The following TENM3 variants were observed in gnomAD, a reference collection of about 807,000 sequenced individuals.
The protein encoded by TENM3 is teneurin-3.
Under a neutral mutation model 255.1 loss-of-function variants are expected in TENM3, and 63 were observed. The ratio of observed to expected loss-of-function variants is 0.25; its 90% CI spans 0.20 to 0.30. TENM3 has a LOEUF of 0.30. TENM3 is among the 10% of genes least tolerant of loss of function. TENM3 has a pLI of 1.00. For synonymous variants in TENM3, 1,306 were observed against 1,322.3 expected, an observed-to-expected ratio of 0.99 and a Z score of 0.27; for missense variants, 2,929 against 3,461.1, an observed-to-expected ratio of 0.85 and a Z score of 3.86.
chr4:182,127,555 T>C, the TENM3 span, among the ~76,000 whole-genome samples: 1 of 152,214 alleles, frequency 6.6e-6, no homozygotes, highest in Non-Finnish European at 1.5e-5. Context: ...ACTGTTCTCA[T>C]GATGCATTAT....
chr4:181,903,129 C>T, the TENM3 span, among the ~76,000 whole-genome samples: 4 of 152,044 alleles, frequency 2.6e-5, no homozygotes, highest in Non-Finnish European at 5.9e-5. Flanking sequence ...GGATGCCCCA[C>T]CTAGTACGAG....
intron 3 of TENM3, among the ~76,000 whole-genome samples, chr4:182,368,314 G>T (rs1209554719): frequency 1.3e-5 from 2 of 152,150 alleles, no homozygotes; most frequent in African/African-American, 4.8e-5. Flanking sequence ...CCACCTTTGA[G>T]TCTCAATCCT....
chr4:182,659,896 A>G (rs1279762956), intron 6 of TENM3, among the ~76,000 whole-genome samples: 1 of 152,172 alleles, frequency 6.6e-6, no homozygotes, highest in Non-Finnish European at 1.5e-5. Flanking sequence ...AGAGACAAGG[A>G]GTGTAGAGTT....
At chr4:182,631,079 T>C (rs1400555598) in intron 5 of TENM3, among the ~76,000 whole-genome samples, 3 of 152,178 alleles carry the variant, frequency 2.0e-5, no homozygotes, top group African/African-American at 7.2e-5. Context: ...CCTTTTTTTT[T>C]CATATTGCCT....
chr4:182,219,092 G>A (rs1234733158), intron 1 of TENM3, among the ~76,000 whole-genome samples: 1 of 152,080 alleles, frequency 6.6e-6, no homozygotes, highest in East Asian at 1.9e-4. Flanking sequence ...CGTGGTGGCG[G>A]GCACCTGTAG....
At chr4:182,167,555 A>G (rs1271718423) in intron 1 of TENM3, among the ~76,000 whole-genome samples, 1 of 152,150 alleles carries the variant, frequency 6.6e-6, no homozygotes, top group East Asian at 1.9e-4. Flanking sequence ...CCTGAGTCTT[A>G]AAAAAATTAA....
At chr4:181,495,916 A>AG in the TENM3 span, among the ~76,000 whole-genome samples, 4 of 151,174 alleles carry the variant, frequency 2.6e-5, no homozygotes, top group East Asian at 5.8e-4. Flanking sequence ...AAAAAAAAAA[A>AG]AAAAAAGAAA....
chr4:181,558,662 C>T, the TENM3 span, among the ~76,000 whole-genome samples: 2 of 152,150 alleles, frequency 1.3e-5, no homozygotes, highest in East Asian at 1.9e-4. Flanking sequence ...GAGGTTGCAA[C>T]GTTTATCAAT....
chr4:182,784,390 T>C (rs147498580), intron 24 of TENM3, among the ~76,000 whole-genome samples: 10,733 of 151,828 alleles, frequency 0.071, 1,350 homozygotes, highest in African/African-American at 0.24. Context: ...AGGGACCCAC[T>C]TGAGGAGGCA....
Position 182,758,158 on chromosome 4 carries a change from A to T in TENM3, c.4892+2899A>T, listed in dbSNP as rs1762867473. On this transcript the variant is annotated intron_variant, in intron 22 of 27. Transcript: ENST00000511685. ...TAAGAAACCTTTATGCATTTTGCAA[A>T]ATAATGTGTTAAAGAAGAGCACTTA... Among the ~76,000 whole-genome samples, 3 of 152,336 alleles carry T rather than the reference A, an allele frequency of 2.0e-5. No individual in the cohort carries two copies. In the South Asian group the frequency reaches 6.2e-4, roughly 32 times the overall value.
the TENM3 span, among the ~76,000 whole-genome samples, chr4:181,888,494 GTATATA>G: frequency 1.2e-3 from 33 of 28,228 alleles, 3 homozygotes; most frequent in East Asian, 0.014. Context: ...ATAGAAATGT[GTATATA>G]TATATATATA....
At chr4:182,477,757 ACAG>A (rs1256885914) in intron 3 of TENM3, among the ~76,000 whole-genome samples, 1 of 152,230 alleles carries the variant, frequency 6.6e-6, no homozygotes, top group Non-Finnish European at 1.5e-5. Flanking sequence ...ACACAGATAA[ACAG>A]CAGTTCATCT....
Position 182,161,410 on chromosome 4 carries a change from C to T in TENM3, c.-76+16656C>T, listed in dbSNP as rs186596714. On this transcript the variant is annotated intron_variant, in intron 1 of 2. Coordinates refer to the TENM3 transcript ENST00000512480. The stretch of plus-strand genomic sequence containing the variant: ...CAGCCTGGGCGACAGAGCGAGACTC[C>T]GTCTCAAAAAAAAAAAAAAAAAAAA... Among the ~76,000 whole-genome samples the T allele has an allele frequency of 3.6e-3, 147 of 41,042 alleles. 6 individuals are homozygous for T. Among genetic ancestry groups the T allele is most frequent in the African/African-American group, 0.011 (120 of 10,804 alleles). The allele number at this position is 41,042 out of a possible 152,430, so 26.9% of individuals were successfully genotyped here.
In TENM3 at chr4:182,177,690, T is replaced by C. The variant is rs1752585757; in HGVS notation, c.-76+32936T>C. 2.0e-5 allele frequency among the ~76,000 whole-genome samples: 3 copies of C among 151,930 alleles called. No homozygotes were observed. The South Asian group carries it at 6.2e-4, about 32-fold the overall frequency. ...TTGAAAGGTTTTTTTGTTTTACTTATTTAAATTGTTTATTTTTCATAGAGA... is the reference window on the plus strand; with the variant it reads ...TTGAAAGGTTTTTTTGTTTTACTTACTTAAATTGTTTATTTTTCATAGAGA... On this transcript the variant is annotated intron_variant, in intron 1 of 2. Transcript: ENST00000512480.
At chr4:182,421,373 C>G (rs1056236338) in intron 3 of TENM3, among the ~76,000 whole-genome samples, 3 of 152,164 alleles carry the variant, frequency 2.0e-5, no homozygotes, top group Admixed American at 6.5e-5. Context: ...GCAATAACCA[C>G]AGCCCTGACA....
chr4:182,100,788 T>TATATACAC, the TENM3 span, among the ~76,000 whole-genome samples: 1 of 2,158 alleles, frequency 4.6e-4, no homozygotes, highest in Non-Finnish European at 2.9e-3. Flanking sequence ...TATATACACA[T>TATATACAC]ATATATACAC....
chr4:181,672,128 G>T, the TENM3 span, among the ~76,000 whole-genome samples: 1 of 152,062 alleles, frequency 6.6e-6, no homozygotes, highest in Non-Finnish European at 1.5e-5. Context: ...TGATAAAAAC[G>T]CTGTGATAGT....
At chr4:182,425,962 C>T (rs1372426924) in intron 3 of TENM3, among the ~76,000 whole-genome samples, 1 of 135,378 alleles carries the variant, frequency 7.4e-6, no homozygotes, top group East Asian at 2.2e-4. Flanking sequence ...GAGCTGTGAT[C>T]GCACCATTGC....
the TENM3 span, among the ~76,000 whole-genome samples, chr4:181,849,530 GTACTT>G: frequency 1.3e-5 from 2 of 152,114 alleles, no homozygotes; most frequent in Non-Finnish European, 2.9e-5. Context: ...AGAAAAAAAT[GTACTT>G]TACATACTCA....
Sources: allele counts gnomAD v4.1 joint callset (sites outside exome capture counted in the v4.1 genomes callset), GRCh38; gene constraint gnomAD v4.1.1; transcripts MANE v1.5; gene names NCBI Gene and HGNC (gene_info 2026-07-23, HGNC 2026-07-21).